RBFOX1: variants seen among roughly 807,000 people sequenced by gnomAD.
The protein encoded by RBFOX1 is RNA binding protein fox-1 homolog 1.
A neutral mutation model predicts 57.7 loss-of-function variants in RBFOX1; 8 were observed. The ratio of observed to expected loss-of-function variants is 0.14; its 90% CI spans 0.08 to 0.25. The LOEUF (loss-of-function observed/expected upper bound fraction) is 0.25, where lower values mean the gene tolerates loss of function less well. Among genes scored for constraint, RBFOX1 ranks in the 10% least tolerant of loss-of-function variants. The probability of loss-of-function intolerance (pLI) is 1.00; values close to 1 mark genes in which losing one functional copy is unlikely to be tolerated. For missense variants in RBFOX1, 611 were observed against 548.5 expected, an observed-to-expected ratio of 1.11 and a Z score of -1.14; for synonymous variants, 326 against 222.4, an observed-to-expected ratio of 1.47 and a Z score of -4.15.
chr16:5,914,521 C>A (rs1291509591), intron 4 of RBFOX1, among the ~76,000 whole-genome samples: 1 of 152,090 alleles, frequency 6.6e-6, no homozygotes. Context: ...CTCAGTTCCC[C>A]ATCATGTGGG....
At position 5,946,902 on chromosome 16, in the gene RBFOX1, A is replaced by G. The variant is rs1297400692; in HGVS notation, c.351+79567A>G. 6.6e-6 allele frequency among the ~76,000 whole-genome samples: 1 copy of G among 152,164 alleles called. No individual in the cohort carries two copies. Among genetic ancestry groups the G allele is most frequent in the African/African-American group, 2.4e-5 (1 of 41,430 alleles). ...GTGTAGAGGTATGCTGCTTGAGTGGAGAAACAGAGTTTTCTCTGTTAGAAG... is the reference window on the plus strand; with the variant it reads ...GTGTAGAGGTATGCTGCTTGAGTGGGGAAACAGAGTTTTCTCTGTTAGAAG... On this transcript the variant is annotated intron_variant, in intron 4 of 19. Coordinates refer to the RBFOX1 transcript ENST00000641259. This position sits in a 1 kb window ranked among gnomAD's most constrained non-coding sequence, Gnocchi z 4.6.
At chr16:6,721,814 A>T (rs2066049211) in intron 3 of RBFOX1, 1 of 152,652 alleles carries the variant, frequency 6.6e-6, no homozygotes, top group East Asian at 1.9e-4. Flanking sequence ...ATTCCCACTC[A>T]TTTCAGGGAT....
chr16:6,900,283 T>G (rs1394980577), intron 3 of RBFOX1, among the ~76,000 whole-genome samples: 1 of 152,210 alleles, frequency 6.6e-6, no homozygotes, highest in Non-Finnish European at 1.5e-5. Context: ...TGTATTTCTC[T>G]GTAGTTCATC....
chr16:6,510,479 A>C (rs938132775), intron 2 of RBFOX1, among the ~76,000 whole-genome samples: 1 of 152,166 alleles, frequency 6.6e-6, no homozygotes, highest in Non-Finnish European at 1.5e-5. Context: ...CACAGAGGAG[A>C]CCAGGTGAGG....
At chr16:6,969,579 A>G (rs1349804560) in intron 3 of RBFOX1, among the ~76,000 whole-genome samples, 3 of 150,638 alleles carry the variant, frequency 2.0e-5, no homozygotes, top group Non-Finnish European at 4.4e-5. Context: ...TACAAAAAAT[A>G]AAAATAAAAA....
chr16:7,327,111 G>T (rs189586961), intron 4 of RBFOX1, among the ~76,000 whole-genome samples: 74 of 152,308 alleles, frequency 4.9e-4, no homozygotes, highest in Admixed American at 1.4e-3. Flanking sequence ...AGGTGATGGT[G>T]CACTTAGTTC....
chr16:7,191,226 A>G (rs968541574), intron 4 of RBFOX1, among the ~76,000 whole-genome samples: 2 of 151,966 alleles, frequency 1.3e-5, no homozygotes, highest in Non-Finnish European at 2.9e-5. Flanking sequence ...TTAATAATGG[A>G]TTTCTTCAGT....
rs59117140 is a variant in RBFOX1 at position 5,548,158 on chromosome 16, T to TAA, written c.259-50728_259-50727dup. Among the ~76,000 whole-genome samples, 204 of 82,444 alleles carry TAA rather than the reference T, an allele frequency of 2.5e-3. 2 individuals carry two copies. Among genetic ancestry groups the TAA allele is most frequent in the Non-Finnish European group, 3.8e-3 (158 of 41,856 alleles). 54.1% of individuals were successfully genotyped at this position (82,444 alleles called of 152,430 possible). ...CCTGGGTGACAGAGCAAGACTCTGT[T>TAA]AAAAAAAAAAAAAAAAATATATATA... is the stretch of plus-strand genomic sequence containing the variant. On this transcript the variant is annotated intron_variant, in intron 2 of 2. Coordinates refer to the RBFOX1 transcript ENST00000585867.
chr16:6,292,715 C>T (rs117245729), intron 1 of RBFOX1, among the ~76,000 whole-genome samples: 34 of 152,320 alleles, frequency 2.2e-4, no homozygotes, highest in Non-Finnish European at 4.1e-4. Flanking sequence ...AGTCATTGAA[C>T]TATCTATTGC....
intron 1 of RBFOX1, among the ~76,000 whole-genome samples, chr16:6,298,131 G>T (rs893783278): frequency 6.6e-6 from 1 of 152,188 alleles, no homozygotes; most frequent in Admixed American, 6.5e-5. Flanking sequence ...CACACGCCCA[G>T]TTGGGCTCCT....
chr16:7,375,726 T>C (rs984137511), intron 4 of RBFOX1, among the ~76,000 whole-genome samples: 3 of 152,180 alleles, frequency 2.0e-5, no homozygotes, highest in Non-Finnish European at 4.4e-5. Flanking sequence ...TATAAATAAA[T>C]ACAGTGACAA....
chr16:7,000,919 C>T (rs1203960656), intron 3 of RBFOX1, among the ~76,000 whole-genome samples: 1 of 152,064 alleles, frequency 6.6e-6, no homozygotes, highest in Non-Finnish European at 1.5e-5. Context: ...AATAAATTTT[C>T]TTGTTTACTT....
chr16:5,685,008 G>A (rs575962990), intron 3 of RBFOX1, among the ~76,000 whole-genome samples: 5 of 152,172 alleles, frequency 3.3e-5, no homozygotes, highest in Non-Finnish European at 7.3e-5. Flanking sequence ...GGTTGGTTTT[G>A]TTAGGATCTG....
chr16:6,621,065 C>T lies in RBFOX1; in HGVS notation c.-63-33538C>T, dbSNP rs1040723305. Among the ~76,000 whole-genome samples the T allele has an allele frequency of 2.0e-5, 3 of 152,326 alleles. No individual in the cohort carries two copies. In the South Asian group the frequency reaches 6.2e-4, roughly 32 times the overall value. ...TAGCTCCAGGGGACTGCCAGCAATC[C>T]TTGGCTTATAGCCACATCATTTCAA... On this transcript the variant is annotated intron_variant, in intron 2 of 15. Transcript: ENST00000550418.
At chr16:5,523,874 A>AGG (rs1307666290) in intron 2 of RBFOX1, among the ~76,000 whole-genome samples, 1 of 152,134 alleles carries the variant, frequency 6.6e-6, no homozygotes, top group Non-Finnish European at 1.5e-5. Flanking sequence ...GGCAGCATGG[A>AGG]GGGGCTGTTG....
chr16:5,649,072 AT>A lies in RBFOX1; in HGVS notation c.318+50112del, dbSNP rs200637864. Among the ~76,000 whole-genome samples the A allele has an allele frequency of 4.0e-4, 60 of 151,832 alleles. No homozygotes were observed. The South Asian group carries it at 5.0e-3, about 13-fold the overall frequency. On this transcript the variant is annotated intron_variant, in intron 3 of 19. Transcript: ENST00000641259. Reference sequence around the variant, plus strand: ...GAATGAGACTCTGTATCAAAAAAAAATATATATCAGATGTTTAAAGATACAT... The same window carrying A: ...GAATGAGACTCTGTATCAAAAAAAAAATATATCAGATGTTTAAAGATACAT...
At chr16:7,119,144 G>A (rs74942653) in intron 4 of RBFOX1, among the ~76,000 whole-genome samples, 1 of 152,212 alleles carries the variant, frequency 6.6e-6, no homozygotes, top group East Asian at 1.9e-4. Flanking sequence ...TTGATCTGAG[G>A]AAGACCATGC....
chr16:5,347,761 C>T (rs8048502), intron 1 of RBFOX1, among the ~76,000 whole-genome samples: 126,658 of 144,900 alleles, frequency 0.87, 57,227 homozygotes, highest in East Asian at 1. Flanking sequence ...AACCCATCCA[C>T]CCACACTTCC....
At chr16:5,996,538 A>G (rs2060493727) in intron 4 of RBFOX1, among the ~76,000 whole-genome samples, 1 of 151,922 alleles carries the variant, frequency 6.6e-6, no homozygotes, top group African/African-American at 2.4e-5. Context: ...AGCATACTCA[A>G]ATTAGGTAAC....
Sources: allele counts gnomAD v4.1 joint callset (sites outside exome capture counted in the v4.1 genomes callset), GRCh38; gene constraint gnomAD v4.1.1; non-coding constraint Gnocchi (gnomAD v3.1); transcripts MANE v1.5; gene names NCBI Gene and HGNC (gene_info 2026-07-23, HGNC 2026-07-21).